The following ERC2 variants were observed in gnomAD, a reference collection of about 807,000 sequenced individuals.
The protein encoded by ERC2 is ELKS/RAB6-interacting/CAST family member 2.
A neutral mutation model predicts 114.8 loss-of-function variants in ERC2; 42 were observed. That is an observed-to-expected ratio of 0.37 (90% CI 0.29 to 0.47). ERC2 has a LOEUF of 0.47. ERC2 is among the 20% of genes least tolerant of loss of function. The probability of loss-of-function intolerance (pLI) is 0.99; values close to 1 mark genes in which losing one functional copy is unlikely to be tolerated. For missense variants in ERC2, 939 were observed against 1,150.7 expected (o/e 0.82, Z 2.66); for synonymous variants, 454 against 425.5 (o/e 1.07, Z -0.82).
intron 3 of ERC2, among the ~76,000 whole-genome samples, chr3:56,241,000 A>G (rs2051285779): frequency 6.6e-6 from 1 of 152,070 alleles, no homozygotes; most frequent in South Asian, 2.1e-4. Flanking sequence ...TGGAGTCCCT[A>G]GTGTCTACTG....
intron 2 of ERC2, among the ~76,000 whole-genome samples, chr3:56,310,550 A>G (rs1477423769): frequency 6.6e-6 from 1 of 152,194 alleles, no homozygotes; most frequent in African/African-American, 2.4e-5. Flanking sequence ...GCATTGAACT[A>G]TATTAACTTT....
Position 56,126,561 on chromosome 3 carries a change from C to T in ERC2, c.1473+12948G>A, listed in dbSNP as rs759374237. ...TCACTTGAGGCCAAAAATTTGAGAT[C>T]AGCCAGGCAATACAGCAAGACCTCA... On this transcript the variant is annotated intron_variant, in intron 6 of 17. Coordinates refer to ENST00000288221, the MANE Select transcript of ERC2 (RefSeq NM_015576.3). 1.9e-3 allele frequency among the ~76,000 whole-genome samples: 288 copies of T among 152,056 alleles called. 1 individual carries two copies. The highest frequency in any genetic ancestry group is 2.3e-3 in the Non-Finnish European group (154 of 68,006).
rs77291889 is a variant in ERC2, at chr3:56,001,740, G to C, written c.2061+5441C>G. Among the ~76,000 whole-genome samples, 2,220 of 152,156 alleles carry C rather than the reference G, an allele frequency of 0.015. 92 individuals are homozygous for C. The East Asian group carries it at 0.17, about 12-fold the overall frequency. ...CCTAGCATGGTCCTGGTATATTTTTGCTGCTGCAGGAACAAGGCTCTCCCC... is the reference window on the plus strand; with the variant it reads ...CCTAGCATGGTCCTGGTATATTTTTCCTGCTGCAGGAACAAGGCTCTCCCC... On this transcript the variant is annotated intron_variant, in intron 10 of 17. Transcript: ENST00000288221.
chr3:55,950,595 C>T (rs766973297), intron 12 of ERC2, 35 bp from the exon 13 acceptor site: 1 of 1,612,366 alleles, frequency 6.2e-7, no homozygotes, highest in South Asian at 1.1e-5. Context: ...TTAAATTCTA[C>T]CACTGGAAGA....
chr3:56,407,512 C>G (rs1028888374), intron 2 of ERC2, among the ~76,000 whole-genome samples: 1 of 152,180 alleles, frequency 6.6e-6, no homozygotes, highest in African/African-American at 2.4e-5. Context: ...AATCAGAAAC[C>G]TATTCTTTTG....
intron 14 of ERC2, among the ~76,000 whole-genome samples, chr3:55,846,693 TTCTCTCTCTCTCTCTC>T (rs34647203): frequency 7.0e-6 from 1 of 142,818 alleles, no homozygotes; most frequent in Non-Finnish European, 1.5e-5. Flanking sequence ...CTCTCTCTCT[TTCTCTCTCTCTCTCTC>T]TCTCTCTCTC....
At chr3:56,287,366 C>T (rs542809670) in intron 3 of ERC2, among the ~76,000 whole-genome samples, 1 of 152,286 alleles carries the variant, frequency 6.6e-6, no homozygotes, top group African/African-American at 2.4e-5. Context: ...CTAAGTGCCA[C>T]ACATTTGTCC....
At chr3:56,032,901 CAGAAAGAAAGAA>C (rs200940238) in intron 7 of ERC2, among the ~76,000 whole-genome samples, 582 of 36,870 alleles carry the variant, frequency 0.016, 27 homozygotes, top group Admixed American at 0.018. Context: ...GAGAGAGAGA[CAGAAAGAAAGAA>C]AGAAAGAAAG....
At chr3:55,906,848 C>T (rs941281812) in intron 13 of ERC2, among the ~76,000 whole-genome samples, 2 of 152,236 alleles carry the variant, frequency 1.3e-5, no homozygotes, top group Admixed American at 1.3e-4. Context: ...GTGAAAGGAA[C>T]CAATTTATGC....
intron 7 of ERC2, among the ~76,000 whole-genome samples, chr3:56,036,030 A>C (rs2074777531): frequency 6.6e-6 from 1 of 152,232 alleles, no homozygotes; most frequent in Non-Finnish European, 1.5e-5. Context: ...AGTGGAATTT[A>C]TTATTGGGAT....
At chr3:55,997,532 A>G (rs1351008540) in intron 10 of ERC2, among the ~76,000 whole-genome samples, 1 of 148,320 alleles carries the variant, frequency 6.7e-6, no homozygotes, top group Non-Finnish European at 1.5e-5. Flanking sequence ...TATATGTTAT[A>G]TATAACATAT....
At chr3:55,583,417 T>C (rs1471510617) in intron 17 of ERC2, among the ~76,000 whole-genome samples, 5 of 124,370 alleles carry the variant, frequency 4.0e-5, no homozygotes, top group African/African-American at 1.6e-4. Flanking sequence ...CTTCCTTCCT[T>C]CCTTCCTTCC....
chr3:55,882,592 A>G (rs1373761537), intron 14 of ERC2, among the ~76,000 whole-genome samples: 1 of 152,252 alleles, frequency 6.6e-6, no homozygotes, highest in African/African-American at 2.4e-5. Context: ...TATTTCCTAA[A>G]CAATACAAAT....
chr3:56,439,309 G>A (rs1284512515), intron 1 of ERC2, among the ~76,000 whole-genome samples: 1 of 152,170 alleles, frequency 6.6e-6, no homozygotes, highest in African/African-American at 2.4e-5. Context: ...GCCCAGTGTG[G>A]TGTCATGTGC....
chr3:55,706,207 T>C (rs540575870), intron 15 of ERC2, among the ~76,000 whole-genome samples: 2 of 152,298 alleles, frequency 1.3e-5, no homozygotes, highest in South Asian at 2.1e-4. Flanking sequence ...TCCTCAGCAG[T>C]GGGAGCCCTG....
At chr3:56,122,261 C>T (rs1229441124) in intron 6 of ERC2, among the ~76,000 whole-genome samples, 2 of 152,062 alleles carry the variant, frequency 1.3e-5, no homozygotes, top group Non-Finnish European at 2.9e-5. Flanking sequence ...TTTCGTATCC[C>T]ATATGATTTC....
intron 17 of ERC2, among the ~76,000 whole-genome samples, chr3:55,571,677 G>T (rs1559673952): frequency 6.6e-6 from 1 of 152,206 alleles, no homozygotes; most frequent in East Asian, 1.9e-4. Flanking sequence ...AAATTCTGTG[G>T]AGTGTTCAGA....
chr3:55,809,046 T>A (rs1484252396), intron 14 of ERC2, among the ~76,000 whole-genome samples: 1 of 151,868 alleles, frequency 6.6e-6, no homozygotes, highest in East Asian at 1.9e-4. Flanking sequence ...GCAGTCTTTT[T>A]AAAAAAATCC....
At chr3:55,849,560 A>C (rs1379619531) in intron 14 of ERC2, among the ~76,000 whole-genome samples, 1 of 152,148 alleles carries the variant, frequency 6.6e-6, no homozygotes, top group Non-Finnish European at 1.5e-5. Flanking sequence ...TGGATGTAAT[A>C]GCTGGCACCG....
Sources: gnomAD v4.1 joint callset for allele counts (sites outside exome capture counted in the v4.1 genomes callset) on GRCh38, gnomAD v4.1.1 for gene constraint, MANE v1.5 for transcripts, NCBI Gene and HGNC (gene_info 2026-07-23, HGNC 2026-07-21) for gene names.